Variants in ATP11B observed in about 807,000 individuals in gnomAD.
The protein encoded by ATP11B is ATPase phospholipid transporting 11B (putative).
A neutral mutation model predicts 157.8 loss-of-function variants in ATP11B; 81 were observed. The observed-to-expected ratio is 0.51, with a 90% CI of 0.43 to 0.62. The LOEUF (loss-of-function observed/expected upper bound fraction) is 0.62. Among genes scored for constraint, ATP11B ranks in the 20% least tolerant of loss-of-function variants. The probability of loss-of-function intolerance (pLI) is 0.00; values close to 1 mark genes in which losing one functional copy is unlikely to be tolerated. For missense variants in ATP11B, 1,165 were observed against 1,402.2 expected (o/e 0.83, Z 2.70); for synonymous variants, 451 against 469.4 (o/e 0.96, Z 0.51).
intron 8 of ATP11B, 130 bp downstream of exon 8, chr3:182,842,252 GTTTGT>G (rs1353092505): frequency 1.5e-5 from 10 of 673,076 alleles, no homozygotes; most frequent in Admixed American, 5.7e-5. Flanking sequence ...GTTGTGTTTT[GTTTGT>G]TTTGTTTTGT....
chr3:182,900,841 T>C (rs1306878378), intron 28 of ATP11B, among the ~76,000 whole-genome samples: 2 of 151,572 alleles, frequency 1.3e-5, no homozygotes, highest in African/African-American at 2.4e-5. Context: ...AGCTCAGGAA[T>C]TGGAGACCAG....
intron 2 of ATP11B, among the ~76,000 whole-genome samples, chr3:182,820,936 C>T (rs965494204): frequency 6.6e-6 from 1 of 152,114 alleles, no homozygotes; most frequent in Admixed American, 6.6e-5. Flanking sequence ...AAGTACTTCT[C>T]ATATCATTTA....
intron 28 of ATP11B, among the ~76,000 whole-genome samples, chr3:182,906,643 G>A (rs1430805821): frequency 6.6e-6 from 1 of 152,020 alleles, no homozygotes; most frequent in African/African-American, 2.4e-5. Flanking sequence ...TGGAGACTGG[G>A]TCTCGCCGTG....
In ATP11B at chr3:182,833,915, A is replaced by G. The variant is rs1718347906; in HGVS notation, c.316-2120A>G. ...GTTTGATCCTATTTAGGAAAGTACT[A>G]CAAGGTAATAGAAGTATAGGTTGGT... On this transcript the variant is annotated intron_variant, in intron 4 of 29. Transcript: ENST00000323116. The G allele has an allele frequency of 2.6e-5, 4 of 152,334 alleles. No homozygotes were observed. In the South Asian group the frequency reaches 8.3e-4, roughly 32 times the overall value. The allele number at this position is 152,334 out of a possible 1,614,324, so 9.4% of individuals were successfully genotyped here.
intron 6 of ATP11B, 163 bp downstream of exon 6, chr3:182,836,633 A>G (rs1398525519): frequency 2.5e-6 from 2 of 795,212 alleles, no homozygotes; most frequent in South Asian, 2.2e-5. Context: ...AATTGATGTT[A>G]TATCTTTATT....
intron 22 of ATP11B, among the ~76,000 whole-genome samples, chr3:182,885,277 A>G (rs998692080): frequency 6.6e-6 from 1 of 152,160 alleles, no homozygotes; most frequent in Non-Finnish European, 1.5e-5. Flanking sequence ...AATGAAATAC[A>G]TAGGGTTACA....
Position 182,866,356 on chromosome 3 carries a change from G to A in ATP11B, c.1532G>A (p.Gly511Asp), listed in dbSNP as rs2108542472. 1 of 1,613,884 alleles carries A rather than the reference G, an allele frequency of 6.2e-7. No individual in the cohort carries two copies. The highest frequency in any genetic ancestry group is 8.5e-7 in the Non-Finnish European group (1 of 1,179,894). The change falls in exon 14 of 30, where the codon GGT (glycine) becomes GAT (aspartate). Residue 511 changes from glycine (G) to aspartate (D), a missense_variant. This residue lies in a region of ATP11B where 737 missense variants were observed against 930.5 expected (regional missense o/e 0.79). Coordinates refer to ENST00000323116, the MANE Select transcript of ATP11B (RefSeq NM_014616.3). The stretch of plus-strand genomic sequence containing the variant: ...GTTCAAACTGACTGCACTGGTGATG[G>A]TCCCTGGCAATCCAACCTGGCACCA... Reference protein sequence around the residue: ...SNVQTDCTGDGPWQSNLAPSQ... With the variant: ...SNVQTDCTGDDPWQSNLAPSQ...
At position 182,845,516 on chromosome 3, in the gene ATP11B, A is replaced by G. The variant is rs75637615; in HGVS notation, c.763A>G (p.Ile255Val). 1 of 1,593,680 alleles carries G rather than the reference A, an allele frequency of 6.3e-7. No individual in the cohort carries two copies. Among genetic ancestry groups the G allele is most frequent in the African/African-American group, 1.4e-5 (1 of 73,460 alleles). ...RGARLKNTKE[I>V]FGVAVYTGME... ...AGCCAGATTAAAAAACACAAAAGAA[A>G]TTTTTGGTTTGTACATATTTAAACA... Residue 255 changes from isoleucine (I) to valine (V), a missense_variant, in exon 9 of 30, where the codon ATT (isoleucine) becomes GTT (valine). By Grantham distance (29) the Ile-to-Val change is conservative. Coordinates refer to ENST00000323116, the MANE Select transcript of ATP11B (RefSeq NM_014616.3).
rs78000073 is a variant in ATP11B at position 182,810,874 on chromosome 3, C to T, written c.28-9386C>T. 9.3e-3 allele frequency among the ~76,000 whole-genome samples: 1,421 copies of T among 152,238 alleles called. 22 individuals are homozygous for T. The highest frequency in any genetic ancestry group is 0.032 in the African/African-American group (1,348 of 41,536). ...ATAGTTGATTCTCAACGCTGTCAGA[C>T]ATATTTCCCCTGTTCGTATCAAATA... On this transcript the variant is annotated intron_variant, in intron 1 of 29. Transcript: ENST00000323116.
At chr3:182,899,387 A>G (rs971983690) in intron 28 of ATP11B, among the ~76,000 whole-genome samples, 42 of 152,072 alleles carry the variant, frequency 2.8e-4, no homozygotes, top group African/African-American at 9.9e-4. Flanking sequence ...CCCTGACCTC[A>G]TGATCCGCCT....
intron 7 of ATP11B, among the ~76,000 whole-genome samples, chr3:182,838,529 A>G (rs559903600): frequency 6.6e-6 from 1 of 152,216 alleles, no homozygotes; most frequent in South Asian, 2.1e-4. Flanking sequence ...GTAAAATGTA[A>G]TCATTGCAAC....
Position 182,836,371 on chromosome 3 carries a change from T to C in ATP11B, c.453T>C (p.Asp151=). Residue 151 remains aspartate (D), a synonymous_variant, in exon 6 of 30, where the codon GAT becomes GAC. Coordinates refer to ENST00000323116, the MANE Select transcript of ATP11B (RefSeq NM_014616.3). ...RVGDIVRIAK[D]EIFPADLVLL... Reference sequence around the variant, plus strand: ...GTGATATTGTTCGAATAGCCAAAGATGAAATTTTTCCTGCAGACTTGGTGC... The same window carrying C: ...GTGATATTGTTCGAATAGCCAAAGACGAAATTTTTCCTGCAGACTTGGTGC... 6.2e-7 allele frequency: 1 copy of C among 1,613,862 alleles called. No individual in the cohort carries two copies. The highest frequency in any genetic ancestry group is 8.5e-7 in the Non-Finnish European group (1 of 1,179,832).
At chr3:182,858,401 C>T (rs1360389806) in intron 11 of ATP11B, among the ~76,000 whole-genome samples, 1 of 152,108 alleles carries the variant, frequency 6.6e-6, no homozygotes, top group Non-Finnish European at 1.5e-5. Context: ...CTTAATAATT[C>T]AAGGATGCTT....
At position 182,901,168 on chromosome 3, in the gene ATP11B, A is replaced by G. The variant is rs1723932948; in HGVS notation, c.3318+2396A>G. 2.0e-5 allele frequency among the ~76,000 whole-genome samples: 3 copies of G among 151,784 alleles called. No homozygotes were observed. In the South Asian group the frequency reaches 6.2e-4, roughly 32 times the overall value. The stretch of plus-strand genomic sequence containing the variant: ...AGCCTGGGCGACAGAGCGAGACTCC[A>G]TCTCAGAAAATAATAATAAATAAAA... On this transcript the variant is annotated intron_variant, in intron 28 of 29. Transcript: ENST00000323116.
rs1390644152 is a variant in ATP11B, at chr3:182,844,994, AT to A, written c.705-453del. Among the ~76,000 whole-genome samples the A allele has an allele frequency of 5.8e-4, 65 of 111,218 alleles. 1 individual carries two copies. In the South Asian group the frequency reaches 7.0e-3, roughly 12 times the overall value. The allele number at this position is 111,218 out of a possible 152,430, so 73.0% of individuals were successfully genotyped here. A position where few individuals can be genotyped will look rare whatever the true frequency, so the allele number is the denominator to read the frequency against. On this transcript the variant is annotated intron_variant, in intron 8 of 29. Transcript: ENST00000323116. ...TAGCCTAGGCAGCCTTTTTTTTTTT[AT>A]TTTTTTTTTTATTTTTTTTTATTTT...
chr3:182,811,469 T>C (rs1716661586), intron 1 of ATP11B, among the ~76,000 whole-genome samples: 1 of 152,278 alleles, frequency 6.6e-6, no homozygotes, highest in East Asian at 1.9e-4. Flanking sequence ...TAAATGCCAC[T>C]AGCACCCCCC....
intron 1 of ATP11B, among the ~76,000 whole-genome samples, chr3:182,794,230 G>A (rs978152733): frequency 1.4e-4 from 22 of 152,300 alleles, no homozygotes; most frequent in African/African-American, 5.3e-4. Context: ...GGGAAGCGAA[G>A]AACCTGTCTT....
intron 7 of ATP11B, among the ~76,000 whole-genome samples, chr3:182,838,800 T>TAC (rs1553802111): frequency 8.6e-5 from 13 of 150,860 alleles, no homozygotes; most frequent in East Asian, 3.9e-4. Flanking sequence ...TATATATATA[T>TAC]ACACACACAT....
At chr3:182,892,524 T>G (rs921055173) in intron 25 of ATP11B, among the ~76,000 whole-genome samples, 1 of 152,128 alleles carries the variant, frequency 6.6e-6, no homozygotes, top group Non-Finnish European at 1.5e-5. Flanking sequence ...AGACTTGTAA[T>G]AGTTTGGGTT....
Sources: gnomAD v4.1 joint callset for allele counts (sites outside exome capture counted in the v4.1 genomes callset) on GRCh38, gnomAD v4.1.1 for gene constraint, gnomAD v4.1.1 regional missense constraint, MANE v1.5 for transcripts, NCBI Gene and HGNC (gene_info 2026-07-23, HGNC 2026-07-21) for gene names.